The following PRKCE variants were observed in gnomAD, a reference collection of about 807,000 sequenced individuals.
PRKCE encodes the protein protein kinase C epsilon type.
PRKCE carries 16 observed loss-of-function variants against 85.4 expected under a neutral mutation model. The observed-to-expected ratio is 0.19, with a 90% confidence interval of 0.13 to 0.28. PRKCE has a LOEUF of 0.28. Ranked by LOEUF, PRKCE falls within the 10% of genes least tolerant of loss-of-function variation. The pLI is 1.00. For synonymous variants in PRKCE, 388 were observed against 371.5 expected (o/e 1.04, Z -0.51); for missense variants, 573 against 975.2 (o/e 0.59, Z 5.49).
chr2:46,117,916 C>T (rs1307646520), intron 11 of PRKCE, among the ~76,000 whole-genome samples: 1 of 152,100 alleles, frequency 6.6e-6, no homozygotes, highest in Non-Finnish European at 1.5e-5. Context: ...AGAGTGGGGT[C>T]ATCTGAGGTA....
chr2:45,976,810 T>A (rs1227876632), intron 3 of PRKCE, among the ~76,000 whole-genome samples: 1 of 151,766 alleles, frequency 6.6e-6, no homozygotes, highest in Non-Finnish European at 1.5e-5. Flanking sequence ...ATACCTAGAA[T>A]TTTATGAAAA....
intron 14 of PRKCE, among the ~76,000 whole-genome samples, chr2:46,174,524 G>A (rs1342288512): frequency 6.6e-6 from 1 of 152,136 alleles, no homozygotes; most frequent in African/African-American, 2.4e-5. Context: ...GGACCCCTGG[G>A]TCGGTGTCCC....
At chr2:45,777,921 A>G (rs923187364) in intron 1 of PRKCE, among the ~76,000 whole-genome samples, 2 of 152,234 alleles carry the variant, frequency 1.3e-5, no homozygotes, top group Non-Finnish European at 2.9e-5. Flanking sequence ...GAGATGGAAC[A>G]GAATGCAGGC....
At chr2:45,939,243 T>C (rs1206445850) in intron 2 of PRKCE, among the ~76,000 whole-genome samples, 1 of 152,260 alleles carries the variant, frequency 6.6e-6, no homozygotes, top group Non-Finnish European at 1.5e-5. Flanking sequence ...AGTGCTGTTA[T>C]TGAAGACCTT....
intron 4 of PRKCE, 36 bp downstream of exon 4, chr2:45,979,046 C>A (rs367645094): frequency 6.3e-7 from 1 of 1,592,398 alleles, no homozygotes; most frequent in Non-Finnish European, 8.5e-7. Context: ...TTCAGAGGCC[C>A]GTGGTTAGAT....
At chr2:46,033,985 C>G (rs535377147) in intron 10 of PRKCE, among the ~76,000 whole-genome samples, 1 of 152,168 alleles carries the variant, frequency 6.6e-6, no homozygotes, top group African/African-American at 2.4e-5. Flanking sequence ...TAGAGAAAGC[C>G]GTAGGCTTTC....
chr2:45,859,147 GAT>G (rs761722721), intron 2 of PRKCE, among the ~76,000 whole-genome samples: 215 of 152,026 alleles, frequency 1.4e-3, no homozygotes, highest in Middle Eastern at 6.9e-3. Flanking sequence ...CATCCATATT[GAT>G]GTGTGTGTGG....
intron 1 of PRKCE, among the ~76,000 whole-genome samples, chr2:45,818,270 A>C (rs1349442961): frequency 2.0e-5 from 3 of 152,244 alleles, no homozygotes. Flanking sequence ...AGATGTAAAC[A>C]AAAAATCAAT....
At chr2:46,158,975 G>A (rs1225669345) in intron 13 of PRKCE, among the ~76,000 whole-genome samples, 1 of 152,122 alleles carries the variant, frequency 6.6e-6, no homozygotes, top group Non-Finnish European at 1.5e-5. Flanking sequence ...GCATTGAAAA[G>A]GAATAAGCCT....
intron 1 of PRKCE, among the ~76,000 whole-genome samples, chr2:45,755,224 G>A (rs1558636099): frequency 6.6e-6 from 1 of 152,182 alleles, no homozygotes; most frequent in African/African-American, 2.4e-5. Context: ...TAATGGGCTG[G>A]TGCGTAGTTC....
chr2:45,983,462 A>G (rs1050731091), intron 5 of PRKCE, among the ~76,000 whole-genome samples: 1 of 152,136 alleles, frequency 6.6e-6, no homozygotes, highest in African/African-American at 2.4e-5. Context: ...GCTCCACTAA[A>G]GACATAGATG....
At chr2:46,173,535 A>G (rs915009141) in intron 14 of PRKCE, among the ~76,000 whole-genome samples, 1 of 152,250 alleles carries the variant, frequency 6.6e-6, no homozygotes, top group Non-Finnish European at 1.5e-5. Flanking sequence ...ATAGCAGACA[A>G]GGAACATGTT....
intron 1 of PRKCE, among the ~76,000 whole-genome samples, chr2:45,829,316 T>C (rs1690209176): frequency 6.6e-6 from 1 of 152,238 alleles, no homozygotes; most frequent in Non-Finnish European, 1.5e-5. Context: ...TTCTTCCCCA[T>C]TCTCATAAGT....
chr2:46,106,816 G>C (rs1396820805), intron 11 of PRKCE, among the ~76,000 whole-genome samples: 1 of 152,184 alleles, frequency 6.6e-6, no homozygotes, highest in South Asian at 2.1e-4. Context: ...AGTTATGGAG[G>C]GTTAGGGCTT....
chr2:45,988,891 C>T (rs534039030), intron 6 of PRKCE, among the ~76,000 whole-genome samples: 2 of 152,172 alleles, frequency 1.3e-5, no homozygotes, highest in Non-Finnish European at 1.5e-5. Flanking sequence ...CTCTGGGGCC[C>T]TTTTCCACCT....
chr2:45,652,157 G>A lies in PRKCE; in HGVS notation c.57G>A (p.Lys19=). Residue 19 remains lysine (K), a synonymous_variant, in exon 1 of 15, where the codon AAG becomes AAA. Transcript: ENST00000306156. This position sits in a 1 kb window ranked among gnomAD's most constrained non-coding sequence, Gnocchi z 7.7. The part of the protein sequence containing the change: ...KIKICEAVSL[K]PTAWSLRHAV... The stretch of plus-strand genomic sequence containing the variant: ...AAATCTGCGAGGCCGTGAGCTTGAA[G>A]CCCACAGCCTGGTCGCTGCGCCATG... The A allele has an allele frequency of 6.2e-7, 1 of 1,609,176 alleles. No individual in the cohort carries two copies. The highest frequency in any genetic ancestry group is 1.7e-4 in the Middle Eastern group (1 of 6,032).
In PRKCE at chr2:46,159,909, T is replaced by TAGGGA; in HGVS notation, c.2067+157_2067+158insAGGGA. 1.2e-6 allele frequency: 1 copy of TAGGGA among 856,940 alleles called. No homozygotes were observed. Among genetic ancestry groups the TAGGGA allele is most frequent in the East Asian group, 3.0e-5 (1 of 33,562 alleles). 53.1% of individuals were successfully genotyped at this position (856,940 alleles called of 1,614,324 possible). A position where few individuals can be genotyped will look rare whatever the true frequency, so the allele number is the denominator to read the frequency against. On this transcript the variant is annotated intron_variant, in intron 14 of 14. Transcript: ENST00000306156. The surrounding 1 kb of genome is among the most constrained non-coding windows in gnomAD (Gnocchi z 4.1). ...TGAGGCTCTCCCTAAGACAATGTCTTTAGGCCCCAAGTGTTTACTATTGAA... is the reference window on the plus strand; with the variant it reads ...TGAGGCTCTCCCTAAGACAATGTCTTAGGGATAGGCCCCAAGTGTTTACTATTGAA...
intron 2 of PRKCE, among the ~76,000 whole-genome samples, chr2:45,855,187 A>G (rs1692577320): frequency 6.6e-6 from 1 of 152,214 alleles, no homozygotes; most frequent in South Asian, 2.1e-4. Context: ...TCTGGATGTG[A>G]CAAGTAACTT....
In PRKCE at chr2:46,145,193, A is replaced by G; in HGVS notation, c.1693A>G (p.Thr565Ala). The change falls in exon 12 of 15, where the codon ACC (threonine) becomes GCC (alanine). Residue 565 changes from threonine to alanine, a missense_variant. Thr to Ala is a moderately conservative substitution (Grantham distance 58, BLOSUM62 0). Coordinates refer to ENST00000306156, the MANE Select transcript of PRKCE (RefSeq NM_005400.3). The surrounding 1 kb of genome is among the most constrained non-coding windows in gnomAD (Gnocchi z 4.6). ...KEGILNGVTT[T>A]TFCGTPDYIA... Reference sequence around the variant, plus strand: ...AGGGATTCTGAATGGTGTGACGACCACCACGTTCTGTGGGACTCCTGACTA... The same window carrying G: ...AGGGATTCTGAATGGTGTGACGACCGCCACGTTCTGTGGGACTCCTGACTA... 1 of 1,599,716 alleles carries G rather than the reference A, an allele frequency of 6.3e-7. No individual in the cohort carries two copies. Among genetic ancestry groups the G allele is most frequent in the South Asian group, 1.1e-5 (1 of 91,072 alleles).
Sources: gnomAD v4.1 joint callset for allele counts (sites outside exome capture counted in the v4.1 genomes callset) on GRCh38, gnomAD v4.1.1 for gene constraint, Gnocchi (gnomAD v3.1) non-coding constraint, MANE v1.5 for transcripts, NCBI Gene and HGNC (gene_info 2026-07-23, HGNC 2026-07-21) for gene names.